EMCN: variants seen among roughly 807,000 people sequenced by gnomAD.
The protein encoded by EMCN is endomucin, also known as MUC-14.
A neutral mutation model predicts 38.4 loss-of-function variants in EMCN; 37 were observed. The observed-to-expected ratio is 0.96, with a 90% CI of 0.74 to 1.27. EMCN has a LOEUF of 1.27. Among genes scored for constraint, EMCN ranks in the 50% most tolerant of loss-of-function variants. The pLI is 0.00. For synonymous variants in EMCN, 95 were observed against 100.8 expected (o/e 0.94, Z 0.35); for missense variants, 318 against 302.8 (o/e 1.05, Z -0.37).
intron 10 of EMCN, among the ~76,000 whole-genome samples, chr4:100,414,818 A>G (rs1189916761): frequency 6.6e-6 from 1 of 152,222 alleles, no homozygotes; most frequent in Non-Finnish European, 1.5e-5. Flanking sequence ...TATTTATAAT[A>G]TAGCTTATTC....
At chr4:100,406,696 T>C (rs924361038) in intron 11 of EMCN, among the ~76,000 whole-genome samples, 5 of 152,116 alleles carry the variant, frequency 3.3e-5, no homozygotes, top group African/African-American at 1.2e-4. Context: ...TGAGAAGGAT[T>C]TATATTCTGC....
At chr4:100,417,316 A>G (rs948021181) in intron 8 of EMCN, among the ~76,000 whole-genome samples, 175 bp from the exon 9 acceptor site, 2 of 152,182 alleles carry the variant, frequency 1.3e-5, no homozygotes, top group Non-Finnish European at 2.9e-5. Context: ...AGGTATGGTT[A>G]ATACTTATCC....
intron 5 of EMCN, among the ~76,000 whole-genome samples, chr4:100,428,574 T>G (rs558813026): frequency 1.3e-5 from 2 of 152,312 alleles, no homozygotes; most frequent in East Asian, 3.9e-4. Context: ...CTCACTCATA[T>G]TTCCCAAATG....
intron 4 of EMCN, among the ~76,000 whole-genome samples, chr4:100,464,399 T>A (rs1027621339): frequency 2.0e-5 from 3 of 152,088 alleles, no homozygotes; most frequent in African/African-American, 7.2e-5. Flanking sequence ...CATTGTTGAA[T>A]TGTACTATCT....
At chr4:100,408,874 G>A (rs2110208490) in intron 11 of EMCN, among the ~76,000 whole-genome samples, 1 of 152,318 alleles carries the variant, frequency 6.6e-6, no homozygotes, top group South Asian at 2.1e-4. Flanking sequence ...GAGCAGGAGG[G>A]CAGGGGAAGG....
intron 5 of EMCN, among the ~76,000 whole-genome samples, chr4:100,423,955 C>T (rs368733615): frequency 6.2e-4 from 94 of 152,036 alleles, no homozygotes; most frequent in East Asian, 2.3e-3. Flanking sequence ...TATTATGTGC[C>T]TTTTCTAGAG....
At chr4:100,503,257 G>C (rs1408915823) in intron 1 of EMCN, among the ~76,000 whole-genome samples, 3 of 151,976 alleles carry the variant, frequency 2.0e-5, no homozygotes, top group African/African-American at 7.2e-5. Flanking sequence ...CCGAAGTTTT[G>C]TATTTCTGCT....
In EMCN at chr4:100,397,645, A is replaced by G. The variant is rs1256574000; in HGVS notation, c.*768T>C. The G allele has an allele frequency of 6.6e-6, 1 of 152,150 alleles. No homozygotes were observed. The highest frequency in any genetic ancestry group is 1.5e-5 in the Non-Finnish European group (1 of 68,030). 9.4% of individuals were successfully genotyped at this position (152,150 alleles called of 1,614,324 possible). On this transcript the variant is annotated 3_prime_UTR_variant, in exon 12 of 12. Coordinates refer to ENST00000296420, the MANE Select transcript of EMCN (RefSeq NM_016242.4). ...CATAGTATGAATGACAAATAGAAAG[A>G]CCAAAGAACTGATAAATTACTCTCC...
intron 5 of EMCN, among the ~76,000 whole-genome samples, chr4:100,424,285 C>T (rs1445667406): frequency 1.3e-5 from 2 of 152,062 alleles, no homozygotes; most frequent in African/African-American, 4.8e-5. Flanking sequence ...GTATGAAGTG[C>T]TCTATTTAAA....
intron 3 of EMCN, among the ~76,000 whole-genome samples, chr4:100,473,301 A>G (rs1367220863): frequency 1.4e-5 from 2 of 147,278 alleles, no homozygotes; most frequent in Non-Finnish European, 3.0e-5. Context: ...TGTTGGGATT[A>G]CAGGTGTGAG....
chr4:100,486,574 C>T (rs934010721), intron 1 of EMCN, among the ~76,000 whole-genome samples: 2 of 152,206 alleles, frequency 1.3e-5, no homozygotes, highest in African/African-American at 4.8e-5. Context: ...TCATCTCTCG[C>T]AGAGAGAAAA....
chr4:100,424,176 A>G (rs1726980138), intron 5 of EMCN, among the ~76,000 whole-genome samples: 1 of 152,126 alleles, frequency 6.6e-6, no homozygotes, highest in South Asian at 2.1e-4. Context: ...TAAATAATTA[A>G]GTATTGTATA....
At chr4:100,493,167 T>A (rs1312504413) in intron 1 of EMCN, among the ~76,000 whole-genome samples, 1 of 152,198 alleles carries the variant, frequency 6.6e-6, no homozygotes, top group East Asian at 1.9e-4. Context: ...CTCCAACCCA[T>A]TTAGTAAGTT....
At chr4:100,448,825 TCCC>T (rs879483726) in intron 4 of EMCN, among the ~76,000 whole-genome samples, 5,228 of 146,420 alleles carry the variant, frequency 0.036, 259 homozygotes, top group South Asian at 0.08. Flanking sequence ...CCTTCCTTCC[TCCC>T]TCCCTCCCTC....
chr4:100,418,552 C>T (rs933148122), intron 8 of EMCN, among the ~76,000 whole-genome samples: 4 of 152,120 alleles, frequency 2.6e-5, no homozygotes, highest in Non-Finnish European at 5.9e-5. Context: ...CACTACCCTT[C>T]CCAGCTTCTG....
intron 5 of EMCN, among the ~76,000 whole-genome samples, chr4:100,436,103 A>T (rs1727344440): frequency 6.6e-6 from 1 of 152,120 alleles, no homozygotes; most frequent in South Asian, 2.1e-4. Context: ...AATACAGAAT[A>T]GGAAAAAATT....
intron 11 of EMCN, among the ~76,000 whole-genome samples, chr4:100,402,115 C>T (rs1018123246): frequency 2.0e-5 from 3 of 152,006 alleles, no homozygotes; most frequent in Non-Finnish European, 2.9e-5. Flanking sequence ...GCTGCTTCTA[C>T]GTATTTGCTA....
rs1728545809 is a variant in EMCN, at chr4:100,473,383, T to TG, written c.259+1654_259+1655insC. The stretch of plus-strand genomic sequence containing the variant: ...GTTTCGTGTTTTTTTGTTTTTTTTT[T>TG]TTGTTTTTTTTTTTGCTAATGACAT... On this transcript the variant is annotated intron_variant, in intron 3 of 11. Coordinates refer to ENST00000296420, the MANE Select transcript of EMCN (RefSeq NM_016242.4). Among the ~76,000 whole-genome samples the TG allele has an allele frequency of 1.7e-5, 2 of 119,490 alleles. 1 individual carries two copies. 78.4% of individuals were successfully genotyped at this position (119,490 alleles called of 152,430 possible).
chr4:100,413,522 G>A (rs919343816), intron 10 of EMCN, among the ~76,000 whole-genome samples: 1 of 152,172 alleles, frequency 6.6e-6, no homozygotes, highest in Non-Finnish European at 1.5e-5. Flanking sequence ...AATGCAGTGG[G>A]AAGAAATTTG....
Sources: allele counts gnomAD v4.1 joint callset (sites outside exome capture counted in the v4.1 genomes callset), GRCh38; gene constraint gnomAD v4.1.1; transcripts MANE v1.5; gene names NCBI Gene and HGNC (gene_info 2026-07-23, HGNC 2026-07-21).